The following MSI2 variants were observed in gnomAD, a reference collection of about 807,000 sequenced individuals.
MSI2 encodes the protein musashi RNA binding protein 2.
A neutral mutation model predicts 45.6 loss-of-function variants in MSI2; 17 were observed. The ratio of observed to expected loss-of-function variants is 0.37; its 90% CI spans 0.26 to 0.56. The LOEUF is 0.56. MSI2 is among the 20% of genes least tolerant of loss of function. The pLI, the probability that MSI2 is intolerant of heterozygous loss-of-function variation, is 0.77. For missense variants in MSI2, 293 were observed against 444.2 expected, an observed-to-expected ratio of 0.66 and a Z score of 3.06; for synonymous variants, 156 against 158.2, an observed-to-expected ratio of 0.99 and a Z score of 0.11.
At chr17:57,522,864 C>T (rs1207716449) in intron 6 of MSI2, 2 of 152,352 alleles carry the variant, frequency 1.3e-5, no homozygotes, top group East Asian at 1.9e-4. Flanking sequence ...CTCCTGGGAA[C>T]AAGTTTTTTG....
chr17:57,271,126 T>G (rs1908316177), intron 5 of MSI2, among the ~76,000 whole-genome samples: 1 of 152,124 alleles, frequency 6.6e-6, no homozygotes, highest in South Asian at 2.1e-4. Context: ...GTACTGGTCT[T>G]TATCTGCCCG....
At chr17:57,604,048 C>T (rs929241802) in intron 8 of MSI2, among the ~76,000 whole-genome samples, 1 of 152,364 alleles carries the variant, frequency 6.6e-6, no homozygotes, top group East Asian at 1.9e-4. Flanking sequence ...ACACAATGGT[C>T]AGAACAGGGT....
At chr17:57,468,493 C>T (rs1439147250) in intron 6 of MSI2, among the ~76,000 whole-genome samples, 1 of 147,074 alleles carries the variant, frequency 6.8e-6, no homozygotes, top group East Asian at 2.0e-4. Flanking sequence ...TGCACTCCAG[C>T]CTGGGCAACA....
chr17:57,400,715 G>A (rs544934336), intron 5 of MSI2, among the ~76,000 whole-genome samples: 8 of 152,140 alleles, frequency 5.3e-5, no homozygotes, highest in Admixed American at 4.6e-4. Flanking sequence ...ACAACTTGCC[G>A]TAGTTAGGTT....
chr17:57,333,441 GTT>G (rs558113296), intron 5 of MSI2, among the ~76,000 whole-genome samples: 2 of 141,286 alleles, frequency 1.4e-5, no homozygotes. Context: ...GATTTGTACC[GTT>G]TTTTTTTTTT....
intron 7 of MSI2, among the ~76,000 whole-genome samples, chr17:57,561,486 C>T (rs776943438): frequency 1.1e-4 from 16 of 152,180 alleles, no homozygotes; most frequent in Non-Finnish European, 2.1e-4. Context: ...CTTGAACTAG[C>T]GGGTCAGAGA....
At chr17:57,438,247 C>G (rs1169152745) in intron 6 of MSI2, among the ~76,000 whole-genome samples, 3 of 152,154 alleles carry the variant, frequency 2.0e-5, no homozygotes, top group African/African-American at 7.2e-5. Flanking sequence ...AAGCTTTCCT[C>G]TCCCTGACTG....
intron 6 of MSI2, among the ~76,000 whole-genome samples, chr17:57,414,724 C>T (rs117740536): frequency 5.6e-4 from 85 of 152,156 alleles, no homozygotes; most frequent in South Asian, 1.9e-3. Context: ...TAAAATGGGG[C>T]ATTAAGAGAG....
At chr17:57,495,774 C>T (rs191825198) in intron 6 of MSI2, among the ~76,000 whole-genome samples, 1 of 152,312 alleles carries the variant, frequency 6.6e-6, no homozygotes, top group African/African-American at 2.4e-5. Flanking sequence ...CATCTCTTCA[C>T]CCCAGCATCC....
At chr17:57,475,948 A>T (rs972761937) in intron 6 of MSI2, among the ~76,000 whole-genome samples, 2 of 152,208 alleles carry the variant, frequency 1.3e-5, no homozygotes, top group Non-Finnish European at 1.5e-5. Flanking sequence ...AACAACAACA[A>T]CAAAGAACAA....
intron 7 of MSI2, among the ~76,000 whole-genome samples, chr17:57,541,997 A>T (rs1202435779): frequency 6.6e-6 from 1 of 152,090 alleles, no homozygotes; most frequent in African/African-American, 2.4e-5. Context: ...CCGATTTATT[A>T]TCTCGGAGGG....
rs1031285007 is a variant in MSI2 at position 57,590,637 on chromosome 17, A to G, written c.455-6231A>G. ...CTACCCTATTAATATCCATTTTTAA[A>G]CCACTGGTGTTTAGGGTTAACCTTC... On this transcript the variant is annotated intron_variant, in intron 7 of 13. Coordinates refer to ENST00000284073, the MANE Select transcript of MSI2 (RefSeq NM_138962.4). Among the ~76,000 whole-genome samples, 12 of 152,278 alleles carry G rather than the reference A, an allele frequency of 7.9e-5. No individual in the cohort carries two copies. In the South Asian group the frequency reaches 1.7e-3, roughly 21 times the overall value.
At chr17:57,518,648 C>G (rs1173454738) in intron 6 of MSI2, among the ~76,000 whole-genome samples, 1 of 152,218 alleles carries the variant, frequency 6.6e-6, no homozygotes, top group South Asian at 2.1e-4. Flanking sequence ...TCCTCTGGAG[C>G]TGGCAGGCTT....
intron 5 of MSI2, among the ~76,000 whole-genome samples, chr17:57,318,933 TTCTCCACTCAACTTAA>T (rs2143654908): frequency 6.6e-6 from 1 of 152,344 alleles, no homozygotes; most frequent in Non-Finnish European, 1.5e-5. Context: ...GGAAACATCC[TTCTCCACTCAACTTAA>T]TATTGGTGCC....
the MSI2 span, among the ~76,000 whole-genome samples, chr17:57,695,010 A>G: frequency 1.3e-5 from 2 of 152,274 alleles, no homozygotes; most frequent in African/African-American, 4.8e-5. Flanking sequence ...TCGGGGAGAT[A>G]AATTGAACCC....
chr17:57,303,442 A>G (rs912819408), intron 5 of MSI2, among the ~76,000 whole-genome samples: 1 of 152,206 alleles, frequency 6.6e-6, no homozygotes, highest in African/African-American at 2.4e-5. Context: ...GTGAAGGGGG[A>G]AAAATATCAG....
intron 5 of MSI2, among the ~76,000 whole-genome samples, chr17:57,375,309 G>A (rs1196801823): frequency 1.3e-5 from 2 of 152,176 alleles, no homozygotes; most frequent in South Asian, 4.1e-4. Context: ...AAGTAGGTCA[G>A]CCGCACTTCC....
chr17:57,532,732 G>A (rs2086847298), intron 7 of MSI2, among the ~76,000 whole-genome samples: 1 of 152,192 alleles, frequency 6.6e-6, no homozygotes. Context: ...TTATCAAGAG[G>A]AAAGTGCTGC....
At chr17:57,481,130 G>A (rs765356660) in intron 6 of MSI2, among the ~76,000 whole-genome samples, 15 of 152,180 alleles carry the variant, frequency 9.9e-5, no homozygotes, top group Non-Finnish European at 4.4e-5. Context: ...ACCATTGTGG[G>A]TGCAAGGAAA....
Sources: allele counts gnomAD v4.1 joint callset (sites outside exome capture counted in the v4.1 genomes callset), GRCh38; gene constraint gnomAD v4.1.1; transcripts MANE v1.5; gene names NCBI Gene and HGNC (gene_info 2026-07-23, HGNC 2026-07-21).